DENND2B: variants seen among roughly 807,000 people sequenced by gnomAD.
DENND2B encodes the protein DENN domain-containing protein 2B.
A neutral mutation model predicts 116.0 loss-of-function variants in DENND2B; 32 were observed. The observed-to-expected ratio is 0.28, with a 90% CI of 0.21 to 0.37. The LOEUF (loss-of-function observed/expected upper bound fraction) is 0.37, where lower values mean the gene tolerates loss of function less well. Among genes scored for constraint, DENND2B ranks in the 10% least tolerant of loss-of-function variants. The pLI, the probability that DENND2B is intolerant of heterozygous loss-of-function variation, is 1.00. For synonymous variants in DENND2B, 588 were observed against 583.9 expected, an observed-to-expected ratio of 1.01 and a Z score of -0.10; for missense variants, 1,276 against 1,477.7, an observed-to-expected ratio of 0.86 and a Z score of 2.24.
At chr11:8,741,838 T>C (rs1034070153) in intron 2 of DENND2B, among the ~76,000 whole-genome samples, 1 of 152,094 alleles carries the variant, frequency 6.6e-6, no homozygotes, top group African/African-American at 2.4e-5. Flanking sequence ...TTAAGACATC[T>C]CCAGGTGATA....
At chr11:8,870,522 T>TGC (rs2063742904) in intron 2 of DENND2B, among the ~76,000 whole-genome samples, 1 of 151,578 alleles carries the variant, frequency 6.6e-6, no homozygotes, top group African/African-American at 2.4e-5. Context: ...TGTGTGTGTG[T>TGC]GTGCGCGCGC....
At chr11:8,858,978 C>T (rs2063292775) in intron 2 of DENND2B, among the ~76,000 whole-genome samples, 1 of 152,156 alleles carries the variant, frequency 6.6e-6, no homozygotes, top group African/African-American at 2.4e-5. Context: ...ACTTCAAAGC[C>T]AGGGAATCAC....
At chr11:8,701,709 CTT>C (rs887377469) in intron 14 of DENND2B, among the ~76,000 whole-genome samples, 6 of 152,094 alleles carry the variant, frequency 3.9e-5, no homozygotes, top group African/African-American at 1.4e-4. Context: ...TGACATAAAA[CTT>C]TTTTCTTTTT....
intron 4 of DENND2B, among the ~76,000 whole-genome samples, chr11:8,817,311 T>C (rs2061602515): frequency 6.6e-6 from 1 of 152,102 alleles, no homozygotes; most frequent in Non-Finnish European, 1.5e-5. Context: ...AACAAATGTC[T>C]TCCTCAAGAT....
intron 2 of DENND2B, among the ~76,000 whole-genome samples, chr11:8,868,179 C>G (rs1396722882): frequency 6.6e-6 from 1 of 152,212 alleles, no homozygotes; most frequent in African/African-American, 2.4e-5. Flanking sequence ...ACCCAGTGAA[C>G]CAAGCTACTC....
chr11:8,755,505 G>C (rs772876121), intron 1 of DENND2B, among the ~76,000 whole-genome samples: 1 of 152,182 alleles, frequency 6.6e-6, no homozygotes, highest in Non-Finnish European at 1.5e-5. Flanking sequence ...ACTGGAAAGA[G>C]AGGAAGCAGC....
chr11:8,752,960 G>A (rs990921395), intron 1 of DENND2B, among the ~76,000 whole-genome samples: 1 of 152,198 alleles, frequency 6.6e-6, no homozygotes, highest in Admixed American at 6.5e-5. Context: ...TTTTGGGCCA[G>A]GTGTGGTGGC....
At chr11:8,731,293 C>T (rs1194593729) in intron 2 of DENND2B, 84 bp from the exon 3 acceptor site, 2 of 1,270,476 alleles carry the variant, frequency 1.6e-6, no homozygotes, top group African/African-American at 1.5e-5. Flanking sequence ...TTTATTCTTA[C>T]AGAACTCAGC....
At chr11:8,879,691 G>A (rs772688981) in intron 2 of DENND2B, among the ~76,000 whole-genome samples, 6 of 151,780 alleles carry the variant, frequency 4.0e-5, no homozygotes, top group East Asian at 1.9e-4. Flanking sequence ...AAAATCACCC[G>A]AGAAGCTTTT....
chr11:8,878,731 A>G (rs1353756590), intron 2 of DENND2B, among the ~76,000 whole-genome samples: 1 of 152,188 alleles, frequency 6.6e-6, no homozygotes, highest in Non-Finnish European at 1.5e-5. Flanking sequence ...ATATTATTTG[A>G]CCATAAAAAG....
Position 8,731,029 on chromosome 11 carries a change from A to G in DENND2B, c.261T>C (p.Thr87=). The G allele has an allele frequency of 1.2e-6, 2 of 1,613,966 alleles. No homozygotes were observed. Among genetic ancestry groups the G allele is most frequent in the South Asian group, 1.1e-5 (1 of 91,072 alleles). Residue 87 remains threonine (T), a synonymous_variant, in exon 3 of 20, where the codon ACT becomes ACC. Coordinates refer to ENST00000313726, the MANE Select transcript of DENND2B (RefSeq NM_213618.2). ...TCTTGAAGGGACAGGTGGGTGGGGA[A>G]GTATCTGGGGAGGGATCTTGAGGAT... is the stretch of plus-strand genomic sequence containing the variant. ...PQNPQDPSPD[T]SPPTCPFKTA... is the part of the protein sequence containing the mutation.
intron 1 of DENND2B, among the ~76,000 whole-genome samples, chr11:8,896,139 C>G (rs1423307811): frequency 6.6e-6 from 1 of 152,010 alleles, no homozygotes; most frequent in Non-Finnish European, 1.5e-5. Context: ...AAAATTTTCT[C>G]TAGAACTGGT....
At chr11:8,711,715 A>G (rs1285210524) in intron 9 of DENND2B, among the ~76,000 whole-genome samples, 1 of 152,040 alleles carries the variant, frequency 6.6e-6, no homozygotes, top group Non-Finnish European at 1.5e-5. Context: ...TAAAAATACA[A>G]AATTAGCCAG....
At chr11:8,699,059 C>T in intron 15 of DENND2B, 85 bp from the exon 16 acceptor site, 1 of 1,578,382 alleles carries the variant, frequency 6.3e-7, no homozygotes, top group South Asian at 1.2e-5. Context: ...CCCAGGTTCC[C>T]AGGGTCAGCT....
intron 2 of DENND2B, among the ~76,000 whole-genome samples, chr11:8,862,868 T>A (rs1182240105): frequency 6.6e-6 from 1 of 152,136 alleles, no homozygotes; most frequent in African/African-American, 2.4e-5. Context: ...ACATGGGAAC[T>A]ATGTAGGCGA....
intron 1 of DENND2B, among the ~76,000 whole-genome samples, chr11:8,901,449 C>T (rs7118463): frequency 0.49 from 73,599 of 150,732 alleles, 18,513 homozygotes; most frequent in Middle Eastern, 0.7. Flanking sequence ...AGGCTGGTCT[C>T]GAACTCCTGA....
At chr11:8,869,523 G>C (rs566526090) in intron 2 of DENND2B, among the ~76,000 whole-genome samples, 1 of 152,064 alleles carries the variant, frequency 6.6e-6, no homozygotes, top group South Asian at 2.1e-4. Flanking sequence ...TTAGCCAGAC[G>C]TAGTGGCAGG....
chr11:8,871,573 A>G (rs2063783038), upstream of DENND2B, among the ~76,000 whole-genome samples: 1 of 152,142 alleles, frequency 6.6e-6, no homozygotes, highest in African/African-American at 2.4e-5. Flanking sequence ...CCCTTCTCCC[A>G]GTTCTCGGGC....
At chr11:8,857,248 G>A (rs1216854711) in intron 3 of DENND2B, 1 of 152,122 alleles carries the variant, frequency 6.6e-6, no homozygotes, top group Non-Finnish European at 1.5e-5. Context: ...CATATTGCCT[G>A]ATAATTTCAT....
Sources: allele counts gnomAD v4.1 joint callset (sites outside exome capture counted in the v4.1 genomes callset), GRCh38; gene constraint gnomAD v4.1.1; transcripts MANE v1.5; gene names NCBI Gene and HGNC (gene_info 2026-07-23, HGNC 2026-07-21).